CALD1: variants seen among roughly 807,000 people sequenced by gnomAD.
The protein encoded by CALD1 is caldesmon 1, also known as caldesmon.
Under a neutral mutation model 99.9 loss-of-function variants are expected in CALD1, and 33 were observed. That is an observed-to-expected ratio of 0.33 (90% CI 0.25 to 0.44). The LOEUF is 0.44. Among genes scored for constraint, CALD1 ranks in the 20% least tolerant of loss-of-function variants. The probability of loss-of-function intolerance (pLI) is 1.00; values close to 1 mark genes in which losing one functional copy is unlikely to be tolerated. For missense variants in CALD1, 861 were observed against 962.1 expected (o/e 0.89, Z 1.39); for synonymous variants, 310 against 325.0 (o/e 0.95, Z 0.50).
At chr7:134,734,422 A>G in the CALD1 span, among the ~76,000 whole-genome samples, 3 of 152,238 alleles carry the variant, frequency 2.0e-5, no homozygotes, top group Admixed American at 2.0e-4. Flanking sequence ...GAAGACACAA[A>G]GAACAGCAAG....
chr7:134,873,887 CATTATTA>C (rs1801221763), intron 3 of CALD1, among the ~76,000 whole-genome samples: 1 of 152,110 alleles, frequency 6.6e-6, no homozygotes, highest in Non-Finnish European at 1.5e-5. Context: ...TCAATAAACT[CATTATTA>C]ATTATTATTA....
At chr7:134,905,000 C>T (rs1306114449) in intron 3 of CALD1, among the ~76,000 whole-genome samples, 1 of 152,070 alleles carries the variant, frequency 6.6e-6, no homozygotes, top group East Asian at 1.9e-4. Flanking sequence ...TCTCCTTGTA[C>T]ACCCCTCAAA....
At position 134,867,729 on chromosome 7, in the gene CALD1, AC is replaced by A. The variant is rs1447686708; in HGVS notation, c.-4del. 6.3e-7 allele frequency: 1 copy of A among 1,599,992 alleles called. No individual in the cohort carries two copies. The highest frequency in any genetic ancestry group is 8.5e-7 in the Non-Finnish European group (1 of 1,170,212). On this transcript the variant is annotated 5_prime_UTR_variant, in exon 3 of 15. Coordinates refer to ENST00000361675, the MANE Select transcript of CALD1 (RefSeq NM_033138.4). ...ATCTGGTCTCCCTGAACCTGAAATC[AC>A]ACCATGGATGATTTTGAGCGTCGCA...
intron 1 of CALD1, among the ~76,000 whole-genome samples, chr7:134,759,812 T>C (rs10229149): frequency 0.7 from 106,245 of 152,086 alleles, 37,984 homozygotes; most frequent in East Asian, 0.99. Context: ...TCATGAAGGG[T>C]GGAGGAAAGT....
intron 1 of CALD1, among the ~76,000 whole-genome samples, chr7:134,838,214 T>C (rs1799519933): frequency 6.6e-6 from 1 of 152,206 alleles, no homozygotes; most frequent in African/African-American, 2.4e-5. Flanking sequence ...ATATGCATAA[T>C]AATTCCTTAA....
intron 1 of CALD1, among the ~76,000 whole-genome samples, chr7:134,830,937 T>C (rs1250873146): frequency 6.6e-6 from 1 of 152,170 alleles, no homozygotes; most frequent in East Asian, 1.9e-4. Flanking sequence ...TCAGTTTGAT[T>C]CCCCTGAGAG....
intron 1 of CALD1, among the ~76,000 whole-genome samples, chr7:134,771,775 A>T (rs1228720552): frequency 6.6e-6 from 1 of 152,070 alleles, no homozygotes; most frequent in East Asian, 1.9e-4. Flanking sequence ...CTATTTATTT[A>T]ATATGCACTT....
the CALD1 span, among the ~76,000 whole-genome samples, chr7:134,719,202 C>T: frequency 1.3e-4 from 19 of 150,036 alleles, no homozygotes; most frequent in Admixed American, 6.6e-4. Context: ...TCACTGGGAA[C>T]GGAAAAATGA....
chr7:134,859,662 T>C (rs1313525375), intron 2 of CALD1, among the ~76,000 whole-genome samples: 1 of 152,218 alleles, frequency 6.6e-6, no homozygotes, highest in Non-Finnish European at 1.5e-5. Flanking sequence ...CAGTCTCCTT[T>C]CTTCAAATGG....
intron 13 of CALD1, 134 bp from the exon 14 acceptor site, chr7:134,965,172 T>C (rs1466919110): frequency 2.0e-5 from 13 of 642,816 alleles, no homozygotes; most frequent in Non-Finnish European, 3.7e-5. Context: ...TTCAATTCCA[T>C]TTCAGATCAC....
chr7:134,779,085 C>G (rs928580999), upstream of CALD1, among the ~76,000 whole-genome samples: 1 of 152,132 alleles, frequency 6.6e-6, no homozygotes, highest in African/African-American at 2.4e-5. Context: ...TTTAGAATTG[C>G]ATAACAATTT....
At chr7:134,923,275 T>G (rs997880725) in intron 3 of CALD1, among the ~76,000 whole-genome samples, 1 of 152,232 alleles carries the variant, frequency 6.6e-6, no homozygotes, top group Non-Finnish European at 1.5e-5. Flanking sequence ...AGGTGGGAAG[T>G]TCATGGATTC....
At chr7:134,762,329 G>A (rs1796785935) in intron 1 of CALD1, among the ~76,000 whole-genome samples, 1 of 152,202 alleles carries the variant, frequency 6.6e-6, no homozygotes, top group South Asian at 2.1e-4. Flanking sequence ...AGGCTCTAGT[G>A]CCTAGATAAT....
intron 2 of CALD1, chr7:134,866,708 G>T (rs535358983): frequency 1.3e-5 from 2 of 152,206 alleles, no homozygotes; most frequent in African/African-American, 4.8e-5. Context: ...GCACATAAAG[G>T]GCTGGAAAAT....
the CALD1 span, among the ~76,000 whole-genome samples, chr7:134,722,077 A>G: frequency 6.6e-6 from 1 of 152,186 alleles, no homozygotes; most frequent in East Asian, 1.9e-4. Flanking sequence ...TTAAGTGAAT[A>G]TCCTAGAATG....
In CALD1 at chr7:134,893,989, T is replaced by C. The variant is rs1477981758; in HGVS notation, c.71+26185T>C. 2.0e-5 allele frequency among the ~76,000 whole-genome samples: 3 copies of C among 152,198 alleles called. No homozygotes were observed. The East Asian group carries it at 5.8e-4, about 29-fold the overall frequency. ...AGAGGAAAAATGCGGGGAATCTGCATTTTACGTATGATAACAGACAAAATG... is the reference window on the plus strand; with the variant it reads ...AGAGGAAAAATGCGGGGAATCTGCACTTTACGTATGATAACAGACAAAATG... On this transcript the variant is annotated intron_variant, in intron 3 of 14. Coordinates refer to ENST00000361675, the MANE Select transcript of CALD1 (RefSeq NM_033138.4).
At position 134,965,299 on chromosome 7, in the gene CALD1, T is replaced by C. The variant is rs773117075; in HGVS notation, c.2296-7T>C. On this transcript the variant is annotated splice_region_variant and splice_polypyrimidine_tract_variant and intron_variant, in intron 13 of 14. Transcript: ENST00000361675. The stretch of plus-strand genomic sequence containing the variant: ...CTATCGATGTTTTTCTGCTTCCTTT[T>C]TATCAGGACTTGAGACCAGGAGACG... 6.6e-7 allele frequency: 1 copy of C among 1,518,152 alleles called. No homozygotes were observed. Among genetic ancestry groups the C allele is most frequent in the South Asian group, 1.1e-5 (1 of 89,062 alleles). The allele number at this position is 1,518,152 out of a possible 1,614,324, so 94.0% of individuals were successfully genotyped here.
intron 1 of CALD1, among the ~76,000 whole-genome samples, chr7:134,745,949 T>C (rs1796631425): frequency 6.6e-6 from 1 of 152,200 alleles, no homozygotes; most frequent in African/African-American, 2.4e-5. Context: ...TTGTGATGTA[T>C]GGTGTTATCT....
chr7:134,907,669 A>G (rs1227595155), intron 3 of CALD1, among the ~76,000 whole-genome samples: 1 of 152,034 alleles, frequency 6.6e-6, no homozygotes, highest in Admixed American at 6.6e-5. Context: ...TTGGACTTTA[A>G]AAAAAAATTG....
Sources: gnomAD v4.1 joint callset for allele counts (sites outside exome capture counted in the v4.1 genomes callset) on GRCh38, gnomAD v4.1.1 for gene constraint, MANE v1.5 for transcripts, NCBI Gene and HGNC (gene_info 2026-07-23, HGNC 2026-07-21) for gene names.